The following NAA25 variants were observed in gnomAD, a reference collection of about 807,000 sequenced individuals.
NAA25 encodes N-terminal acetyltransferase B complex subunit NAA25.
NAA25 carries 30 observed loss-of-function variants against 132.5 expected under a neutral mutation model. The observed-to-expected ratio is 0.23, with a 90% CI of 0.17 to 0.31. The LOEUF (loss-of-function observed/expected upper bound fraction) is 0.31. Among genes scored for constraint, NAA25 ranks in the 10% least tolerant of loss-of-function variants. The pLI is 1.00. For missense variants in NAA25, 771 were observed against 1,150.4 expected, an observed-to-expected ratio of 0.67 and a Z score of 4.77; for synonymous variants, 359 against 401.9, an observed-to-expected ratio of 0.89 and a Z score of 1.28.
chr12:112,097,993 C>T (rs527368092), intron 1 of NAA25, among the ~76,000 whole-genome samples: 4 of 151,810 alleles, frequency 2.6e-5, no homozygotes, highest in East Asian at 3.9e-4. Context: ...TGGTGGCGCA[C>T]GCCTGTAATC....
chr12:112,036,174 T>C (rs2078221970), intron 22 of NAA25, among the ~76,000 whole-genome samples: 1 of 152,144 alleles, frequency 6.6e-6, no homozygotes, highest in Non-Finnish European at 1.5e-5. Flanking sequence ...TCAATAAAGA[T>C]GGGGAGAGCC....
rs148097921 is a variant in NAA25 at position 112,036,999 on chromosome 12, GA to G, written c.2649+2229del. On this transcript the variant is annotated intron_variant, in intron 22 of 23. Transcript: ENST00000261745. ...ACACTAACACCTAGATCTTGGTTTT[GA>G]AATTCATTCCCCAGAAAGGAACCAG... is the stretch of plus-strand genomic sequence containing the variant. 3.4e-3 allele frequency among the ~76,000 whole-genome samples: 510 copies of G among 151,978 alleles called. 1 individual carries two copies. The highest frequency in any genetic ancestry group is 0.012 in the African/African-American group (489 of 41,452).
rs1389190723 is a variant in NAA25 at position 112,053,590 on chromosome 12, C to T, written c.1696G>A (p.Ala566Thr). 1.0e-5 allele frequency: 16 copies of T among 1,607,232 alleles called. No individual in the cohort carries two copies. Among genetic ancestry groups the T allele is most frequent in the African/African-American group, 6.7e-5 (5 of 74,566 alleles). Reference sequence around the variant, plus strand: ...TGGTTGGAGTGAAAAAACCTGAGTGCGAAGTTACAGGATTGGGACGCAGCA... The same window carrying T: ...TGGTTGGAGTGAAAAAACCTGAGTGTGAAGTTACAGGATTGGGACGCAGCA... ...YAAASQSCNF[A>T]LRFFHSNQKD... Residue 566 changes from alanine (A) to threonine (T), a missense_variant, in exon 15 of 24, where the codon GCA becomes ACA. Coordinates refer to ENST00000261745, the MANE Select transcript of NAA25 (RefSeq NM_024953.4).
chr12:112,106,880 G>C (rs942164555), intron 1 of NAA25, among the ~76,000 whole-genome samples: 2 of 149,632 alleles, frequency 1.3e-5, no homozygotes, highest in Non-Finnish European at 3.0e-5. Context: ...TTGAACCCAG[G>C]AGGCGGAGGC....
intron 1 of NAA25, among the ~76,000 whole-genome samples, chr12:112,102,842 A>T (rs1296811703): frequency 6.6e-6 from 1 of 151,864 alleles, no homozygotes; most frequent in African/African-American, 2.4e-5. Flanking sequence ...GCACACTACC[A>T]CACCCGGCTA....
intron 4 of NAA25, among the ~76,000 whole-genome samples, chr12:112,086,622 G>A (rs12316569): frequency 0.042 from 6,461 of 152,122 alleles, 289 homozygotes; most frequent in African/African-American, 0.11. Flanking sequence ...ATTATCTATT[G>A]TTATAACTTG....
intron 1 of NAA25, among the ~76,000 whole-genome samples, chr12:112,099,434 A>G (rs892979070): frequency 2.6e-5 from 4 of 152,214 alleles, no homozygotes; most frequent in Non-Finnish European, 4.4e-5. Context: ...ACTCATAGCA[A>G]TAATATAATT....
intron 1 of NAA25, among the ~76,000 whole-genome samples, chr12:112,102,333 ACTG>A (rs1219843894): frequency 2.0e-5 from 3 of 152,026 alleles, no homozygotes; most frequent in Admixed American, 6.6e-5. Context: ...TGTTCACATC[ACTG>A]CACTGCAGCC....
chr12:112,098,031 G>C (rs1476475896), intron 1 of NAA25, among the ~76,000 whole-genome samples: 1 of 141,906 alleles, frequency 7.0e-6, no homozygotes, highest in Admixed American at 7.6e-5. Context: ...TGAGGCCTAA[G>C]AATCACTTGA....
intron 13 of NAA25, 54 bp from the exon 14 acceptor site, chr12:112,054,622 C>A: frequency 6.6e-7 from 1 of 1,517,700 alleles, no homozygotes; most frequent in Middle Eastern, 2.3e-4. Flanking sequence ...TGAAAGCTTC[C>A]CAAAAACAAA....
At chr12:112,084,759 C>T (rs1014996907) in intron 4 of NAA25, among the ~76,000 whole-genome samples, 1 of 151,774 alleles carries the variant, frequency 6.6e-6, no homozygotes, top group Non-Finnish European at 1.5e-5. Context: ...CACCACTGCA[C>T]TCCAGCCTGG....
chr12:112,056,730 A>G (rs2078551936), intron 13 of NAA25, among the ~76,000 whole-genome samples: 1 of 152,218 alleles, frequency 6.6e-6, no homozygotes. Context: ...CAACATCCCT[A>G]TCACTGACTT....
At chr12:112,046,114 G>A (rs2078377477) in intron 17 of NAA25, among the ~76,000 whole-genome samples, 1 of 152,138 alleles carries the variant, frequency 6.6e-6, no homozygotes, top group African/African-American at 2.4e-5. Flanking sequence ...AGAGTGACTC[G>A]CTGTGCCTAG....
chr12:112,078,523 T>A, intron 6 of NAA25, 111 bp downstream of exon 6: 1 of 1,000,422 alleles, frequency 1.0e-6, no homozygotes, highest in South Asian at 1.6e-5. Flanking sequence ...AGGCCAAAAG[T>A]GAGGACCCAG....
intron 20 of NAA25, among the ~76,000 whole-genome samples, chr12:112,041,763 T>C (rs1350298483): frequency 6.6e-6 from 1 of 151,934 alleles, no homozygotes; most frequent in Non-Finnish European, 1.5e-5. Context: ...ATAAATGGGG[T>C]ATATATAACT....
intron 17 of NAA25, among the ~76,000 whole-genome samples, chr12:112,047,294 C>T (rs559994554): frequency 2.1e-5 from 3 of 139,576 alleles, no homozygotes; most frequent in South Asian, 2.2e-4. Context: ...TGTAATGGTG[C>T]GATCTCAGCT....
At position 112,078,755 on chromosome 12, in the gene NAA25, A is replaced by G. The variant is rs761538394; in HGVS notation, c.478-14T>C. On this transcript the variant is annotated splice_polypyrimidine_tract_variant and intron_variant, in intron 5 of 23. Coordinates refer to ENST00000261745, the MANE Select transcript of NAA25 (RefSeq NM_024953.4). ...TGCCGATATAGACTGAAAGAAGAAA[A>G]ATAATGTTTCATTCTAATTCTCCCC... The G allele has an allele frequency of 1.3e-6, 2 of 1,595,398 alleles. No homozygotes were observed.
intron 13 of NAA25, among the ~76,000 whole-genome samples, chr12:112,054,960 T>C (rs1329763661): frequency 5.9e-5 from 9 of 152,210 alleles, no homozygotes; most frequent in African/African-American, 1.9e-4. Context: ...AGACATCATT[T>C]TTCTTCCATA....
chr12:112,036,105 A>G (rs2078221250), intron 22 of NAA25, among the ~76,000 whole-genome samples: 2 of 152,238 alleles, frequency 1.3e-5, no homozygotes, highest in African/African-American at 4.8e-5. Context: ...AATGAGCACT[A>G]AATTATTTTC....
Sources: gnomAD v4.1 joint callset for allele counts (sites outside exome capture counted in the v4.1 genomes callset) on GRCh38, gnomAD v4.1.1 for gene constraint, MANE v1.5 for transcripts, NCBI Gene and HGNC (gene_info 2026-07-23, HGNC 2026-07-21) for gene names.